Variants in CHD9 observed in about 807,000 individuals in gnomAD.
CHD9 encodes chromodomain helicase DNA binding protein 9.
Under a neutral mutation model 316.1 loss-of-function variants are expected in CHD9, and 77 were observed. The ratio of observed to expected loss-of-function variants is 0.24; its 90% CI spans 0.20 to 0.29. The LOEUF (loss-of-function observed/expected upper bound fraction) is 0.29. Among genes scored for constraint, CHD9 ranks in the 10% least tolerant of loss-of-function variants. The pLI is 1.00. For missense variants in CHD9, 2,763 were observed against 3,438.1 expected (o/e 0.80, Z 4.91); for synonymous variants, 1,129 against 1,158.3 (o/e 0.97, Z 0.51).
chr16:53,117,993 T>G (rs1434978622), intron 1 of CHD9, among the ~76,000 whole-genome samples: 1 of 151,674 alleles, frequency 6.6e-6, no homozygotes, highest in Non-Finnish European at 1.5e-5. Flanking sequence ...GCCCAGCTAA[T>G]TTTTTTTGTA....
intron 19 of CHD9, among the ~76,000 whole-genome samples, chr16:53,261,765 A>G (rs1597702036): frequency 6.6e-6 from 1 of 152,022 alleles, no homozygotes; most frequent in East Asian, 1.9e-4. Flanking sequence ...ACCACCTCCC[A>G]CTTTTTCATA....
In CHD9 at chr16:53,146,375, A is replaced by T. The variant is rs1418278770; in HGVS notation, c.-164-9551A>T. Among the ~76,000 whole-genome samples, 5 of 119,840 alleles carry T rather than the reference A, an allele frequency of 4.2e-5. No homozygotes were observed. In the East Asian group the frequency reaches 7.2e-4, roughly 17 times the overall value. 78.6% of individuals were successfully genotyped at this position (119,840 alleles called of 152,430 possible). A position where few individuals can be genotyped will look rare whatever the true frequency, so the allele number is the denominator to read the frequency against. On this transcript the variant is annotated intron_variant, in intron 1 of 38. Transcript: ENST00000447540. ...GCCATTGCACTCCAGGCTGGGTGAC[A>T]GTGAGACTCTGTCTCAAAAAAAAAA...
chr16:53,274,307 G>A lies in CHD9; in HGVS notation c.4967+5G>A. On this transcript the variant is annotated splice_donor_5th_base_variant and intron_variant, in intron 24 of 38. Transcript: ENST00000447540. ...ATTTGATGGAGTTGATGCAAGGTAA[G>A]TTAAACAATTTTTATTATTTTTGTT... The A allele has an allele frequency of 6.5e-7, 1 of 1,543,052 alleles. No homozygotes were observed. The highest frequency in any genetic ancestry group is 8.8e-7 in the Non-Finnish European group (1 of 1,137,428).
At chr16:53,315,095 G>C (rs2056778815) in intron 36 of CHD9, 51 bp downstream of exon 36, 2 of 1,269,306 alleles carry the variant, frequency 1.6e-6, no homozygotes, top group Admixed American at 4.0e-5. Flanking sequence ...TGAGTTGTCA[G>C]ATCTATCATG....
At chr16:53,097,874 C>T (rs1483977930) in intron 1 of CHD9, among the ~76,000 whole-genome samples, 4 of 152,172 alleles carry the variant, frequency 2.6e-5, no homozygotes, top group Non-Finnish European at 4.4e-5. Flanking sequence ...AATCCCAGCA[C>T]TTTGGGAGGC....
chr16:53,255,595 C>T lies in CHD9; in HGVS notation c.4030-5C>T, dbSNP rs746603123. ...CTATTTTTATGGAAGTTAATTTCTC[C>T]TTAGATTCAGCAGCTTTCCAAAAAG... On this transcript the variant is annotated splice_polypyrimidine_tract_variant and splice_region_variant and intron_variant, in intron 18 of 38. Transcript: ENST00000447540. 3 of 1,607,684 alleles carry T rather than the reference C, an allele frequency of 1.9e-6. No individual in the cohort carries two copies. Among genetic ancestry groups the T allele is most frequent in the Non-Finnish European group, 2.5e-6 (3 of 1,177,586 alleles).
intron 1 of CHD9, among the ~76,000 whole-genome samples, chr16:53,105,865 T>C (rs950142975): frequency 1.7e-4 from 25 of 151,376 alleles, no homozygotes; most frequent in African/African-American, 4.6e-4. Flanking sequence ...CTCCTGTTTC[T>C]CAGGCTGGAG....
intron 22 of CHD9, among the ~76,000 whole-genome samples, chr16:53,272,918 A>T (rs1203905341): frequency 1.3e-5 from 2 of 152,012 alleles, no homozygotes; most frequent in African/African-American, 2.4e-5. Flanking sequence ...GTGAAACCCT[A>T]TCTCTACTAA....
chr16:53,177,773 C>G (rs2043186032), intron 2 of CHD9, among the ~76,000 whole-genome samples: 1 of 152,150 alleles, frequency 6.6e-6, no homozygotes. Context: ...TATGTTCTTT[C>G]CTTCATCCTT....
chr16:53,247,133 T>A (rs1016484109), intron 15 of CHD9, among the ~76,000 whole-genome samples, 160 bp from the exon 16 acceptor site: 2 of 152,206 alleles, frequency 1.3e-5, no homozygotes, highest in African/African-American at 4.8e-5. Context: ...TGGTGGAGGT[T>A]CAGCAACAAG....
chr16:53,099,399 T>C (rs1302357258), intron 1 of CHD9: 2 of 151,608 alleles, frequency 1.3e-5, no homozygotes, highest in African/African-American at 4.9e-5. Flanking sequence ...GAGTCTGGAG[T>C]GATGAGCGTT....
intron 2 of CHD9, among the ~76,000 whole-genome samples, chr16:53,170,181 C>G (rs1218000757): frequency 1.3e-5 from 2 of 151,392 alleles, no homozygotes; most frequent in Non-Finnish European, 2.9e-5. Context: ...TATCTTTTCA[C>G]CTTTGTAATT....
chr16:53,230,562 C>G (rs1430513333), intron 8 of CHD9, among the ~76,000 whole-genome samples: 2 of 152,008 alleles, frequency 1.3e-5, no homozygotes, highest in Non-Finnish European at 1.5e-5. Context: ...TCTAGAAGTT[C>G]CTAATAAGCT....
chr16:53,289,597 T>C (rs2054161970), intron 27 of CHD9, among the ~76,000 whole-genome samples: 1 of 152,074 alleles, frequency 6.6e-6, no homozygotes, highest in Non-Finnish European at 1.5e-5. Flanking sequence ...AAATAGTCAT[T>C]TGAACAGGAA....
intron 2 of CHD9, among the ~76,000 whole-genome samples, chr16:53,187,868 G>A (rs997517598): frequency 6.6e-6 from 1 of 152,162 alleles, no homozygotes; most frequent in African/African-American, 2.4e-5. Context: ...CTACTGTTTT[G>A]AGATGTCTGG....
intron 17 of CHD9, 77 bp downstream of exon 17, chr16:53,250,143 C>T: frequency 2.1e-6 from 2 of 972,928 alleles, no homozygotes; most frequent in Non-Finnish European, 3.1e-6. Flanking sequence ...TAATCCACAT[C>T]TTTTATTTTT....
chr16:53,293,415 G>C (rs1270780512), intron 29 of CHD9, among the ~76,000 whole-genome samples: 1 of 151,992 alleles, frequency 6.6e-6, no homozygotes, highest in East Asian at 1.9e-4. Flanking sequence ...AGGATTTCGA[G>C]ACCAGCCCTG....
chr16:53,193,679 G>C (rs567645166), intron 2 of CHD9, among the ~76,000 whole-genome samples: 17 of 152,196 alleles, frequency 1.1e-4, no homozygotes, highest in African/African-American at 3.1e-4. Flanking sequence ...AGTTGTATAA[G>C]GAACATTAAT....
chr16:53,156,367 T>C lies in CHD9; in HGVS notation c.278T>C (p.Val93Ala). Residue 93 changes from valine (V) to alanine (A), a missense_variant, in exon 2 of 39, where the codon GTG becomes GCG. Val to Ala is a moderately conservative substitution (Grantham distance 64). This residue lies in a region of CHD9 where 859 missense variants were observed against 890.4 expected (regional missense o/e 0.96). Coordinates refer to ENST00000447540, the MANE Select transcript of CHD9 (RefSeq NM_001308319.2). ...TCTTTTGGTAGCCCAGCTGAACATGTGTTATCTCCACACTCTCAGTTTAAT... is the reference window on the plus strand; with the variant it reads ...TCTTTTGGTAGCCCAGCTGAACATGCGTTATCTCCACACTCTCAGTTTAAT... The part of the protein sequence containing the change: ...NQSFGSPAEH[V>A]LSPHSQFNCS... The C allele has an allele frequency of 6.2e-7, 1 of 1,614,008 alleles. No homozygotes were observed. The highest frequency in any genetic ancestry group is 8.5e-7 in the Non-Finnish European group (1 of 1,179,868).
Sources: allele counts gnomAD v4.1 joint callset (sites outside exome capture counted in the v4.1 genomes callset), GRCh38; gene constraint gnomAD v4.1.1; regional missense constraint gnomAD v4.1.1; transcripts MANE v1.5; gene names NCBI Gene and HGNC (gene_info 2026-07-23, HGNC 2026-07-21).